Variants in EDNRB observed in about 807,000 individuals in gnomAD.
EDNRB encodes the protein Hirschsprung disease 2.
Under a neutral mutation model 46.4 loss-of-function variants are expected in EDNRB, and 18 were observed. That is an observed-to-expected ratio of 0.39 (90% CI 0.27 to 0.57). The LOEUF (loss-of-function observed/expected upper bound fraction) is 0.57. Among genes scored for constraint, EDNRB ranks in the 20% least tolerant of loss-of-function variants. The probability of loss-of-function intolerance (pLI) is 0.61; values close to 1 mark genes in which losing one functional copy is unlikely to be tolerated. For missense variants in EDNRB, 434 were observed against 537.5 expected (o/e 0.81, Z 1.90); for synonymous variants, 213 against 204.9 (o/e 1.04, Z -0.34).
upstream of EDNRB, among the ~76,000 whole-genome samples, chr13:77,922,188 A>G (rs900373223): frequency 1.3e-5 from 2 of 151,942 alleles, no homozygotes; most frequent in African/African-American, 4.8e-5. Flanking sequence ...AACGTTTATG[A>G]AGTGTCTAGG....
At chr13:77,935,608 G>A (rs962591571) in intron 1 of EDNRB, among the ~76,000 whole-genome samples, 11 of 152,220 alleles carry the variant, frequency 7.2e-5, no homozygotes, top group African/African-American at 2.4e-4. Context: ...GAGCATGTGT[G>A]TGTTTATGAG....
chr13:77,913,197 G>A (rs149980184), intron 1 of EDNRB, among the ~76,000 whole-genome samples: 108 of 152,244 alleles, frequency 7.1e-4, no homozygotes, highest in African/African-American at 2.4e-3. Context: ...CACTTCACTC[G>A]AAACTCATTT....
At chr13:77,970,611 T>A (rs1312732140) in intron 1 of EDNRB, among the ~76,000 whole-genome samples, 1 of 152,114 alleles carries the variant, frequency 6.6e-6, no homozygotes, top group Admixed American at 6.6e-5. Context: ...TTATTTTGGC[T>A]AACACTTTAC....
At chr13:77,915,937 C>T (rs1400936185) in intron 1 of EDNRB, among the ~76,000 whole-genome samples, 1 of 152,172 alleles carries the variant, frequency 6.6e-6, no homozygotes, top group African/African-American at 2.4e-5. Flanking sequence ...GAAAGGGAAA[C>T]TGTATGACCT....
upstream of EDNRB, chr13:77,919,497 G>A: frequency 6.2e-7 from 1 of 1,612,796 alleles, no homozygotes; most frequent in Non-Finnish European, 8.5e-7. Context: ...AGAGGAGCAC[G>A]CCTCCCTTGA....
intron 1 of EDNRB, among the ~76,000 whole-genome samples, chr13:77,913,845 T>C (rs1242907377): frequency 6.6e-6 from 1 of 152,178 alleles, no homozygotes; most frequent in Admixed American, 6.6e-5. Flanking sequence ...CACCAGGCTC[T>C]CATGTGAACA....
At chr13:77,971,629 T>C (rs770101946) in intron 1 of EDNRB, among the ~76,000 whole-genome samples, 4 of 151,900 alleles carry the variant, frequency 2.6e-5, no homozygotes, top group Non-Finnish European at 5.9e-5. Flanking sequence ...CTGCTGTTGA[T>C]TGTAATAGGT....
At position 77,901,095 on chromosome 13, in the gene EDNRB, C is replaced by G; in HGVS notation, c.914G>C (p.Ser305Thr). 6.2e-7 allele frequency: 1 copy of G among 1,611,288 alleles called. No homozygotes were observed. Among genetic ancestry groups the G allele is most frequent in the Non-Finnish European group, 8.5e-7 (1 of 1,178,410 alleles). ...ATCATTTAAAGCAATCTGCATGCCACTTTTCTTTCTCAACATTTCACAGGT... is the reference window on the plus strand; with the variant it reads ...ATCATTTAAAGCAATCTGCATGCCAGTTTTCTTTCTCAACATTTCACAGGT... The part of the protein sequence containing the change: ...LMTCEMLRKK[S>T]GMQIALNDHL... The change falls in exon 4 of 7, where the codon AGT becomes ACT. Residue 305 changes from serine to threonine, a missense_variant. Physicochemically the swap from Ser to Thr is moderately conservative, Grantham distance 58. Coordinates refer to ENST00000646607, the MANE Select transcript of EDNRB (RefSeq NM_001122659.3).
At chr13:77,945,901 A>AC (rs1880894500) in intron 1 of EDNRB, among the ~76,000 whole-genome samples, 11 of 150,710 alleles carry the variant, frequency 7.3e-5, no homozygotes, top group East Asian at 1.9e-4. Flanking sequence ...AAACAAAAAA[A>AC]ACACACAATC....
At position 77,970,862 on chromosome 13, in the gene EDNRB, A is replaced by C. The variant is rs577132465; in HGVS notation, c.-52+4485T>G. The stretch of plus-strand genomic sequence containing the variant: ...CCTACCTCAGTGACTTGATGTATAC[A>C]CTGGGAACAGCCCTCAGTCTGAGGA... On this transcript the variant is annotated intron_variant, in intron 1 of 7. Coordinates refer to the EDNRB transcript ENST00000646948. Among the ~76,000 whole-genome samples the C allele has an allele frequency of 2.4e-4, 37 of 152,270 alleles. 1 individual carries two copies. Among genetic ancestry groups the C allele is most frequent in the African/African-American group, 8.7e-4 (36 of 41,550 alleles).
At chr13:77,958,586 G>A (rs968530439) in intron 1 of EDNRB, among the ~76,000 whole-genome samples, 3 of 152,080 alleles carry the variant, frequency 2.0e-5, no homozygotes, top group African/African-American at 4.8e-5. Context: ...ATGTTAGCCA[G>A]GATGGTCTCG....
At chr13:77,946,529 T>C (rs1167351132) in intron 1 of EDNRB, among the ~76,000 whole-genome samples, 2 of 152,188 alleles carry the variant, frequency 1.3e-5, no homozygotes, top group Non-Finnish European at 2.9e-5. Flanking sequence ...CTCTGATTTG[T>C]GGCTGAGCTC....
At chr13:77,974,615 CCT>C (rs3039630) in intron 1 of EDNRB, among the ~76,000 whole-genome samples, 93,257 of 135,736 alleles carry the variant, frequency 0.69, 29,415 homozygotes, top group Middle Eastern at 0.8. Flanking sequence ...CTCCTCTCTG[CCT>C]CTCTCTCTCT....
intron 1 of EDNRB, among the ~76,000 whole-genome samples, chr13:77,952,996 A>G (rs1205348320): frequency 6.6e-6 from 1 of 152,218 alleles, no homozygotes; most frequent in Non-Finnish European, 1.5e-5. Context: ...AGTCTACAGT[A>G]ACCAAATGCA....
intron 1 of EDNRB, among the ~76,000 whole-genome samples, chr13:77,958,574 C>T (rs1401159109): frequency 6.6e-6 from 1 of 152,090 alleles, no homozygotes; most frequent in Admixed American, 6.5e-5. Flanking sequence ...TGGGGTTTCA[C>T]CATGTTAGCC....
intron 1 of EDNRB, among the ~76,000 whole-genome samples, chr13:77,968,598 T>G (rs951604046): frequency 6.6e-6 from 1 of 152,048 alleles, no homozygotes; most frequent in Admixed American, 6.6e-5. Context: ...TAAATAAACA[T>G]GAAAATAAAA....
chr13:77,930,257 A>G (rs1242459979), intron 1 of EDNRB, among the ~76,000 whole-genome samples: 1 of 152,228 alleles, frequency 6.6e-6, no homozygotes, highest in African/African-American at 2.4e-5. Flanking sequence ...GAAAACTGAA[A>G]GCAGTAAAAA....
intron 1 of EDNRB, among the ~76,000 whole-genome samples, chr13:77,940,709 G>A (rs1369273464): frequency 1.2e-4 from 3 of 25,700 alleles, no homozygotes; most frequent in Admixed American, 3.9e-4. Context: ...GGGTGTGTGT[G>A]TGTGTGTGTG....
At chr13:77,905,648 A>G (rs1470724982) in intron 1 of EDNRB, among the ~76,000 whole-genome samples, 1 of 151,968 alleles carries the variant, frequency 6.6e-6, no homozygotes, top group Non-Finnish European at 1.5e-5. Flanking sequence ...GTGGGATTTG[A>G]GGTGTTTTCT....
Sources: gnomAD v4.1 joint callset for allele counts (sites outside exome capture counted in the v4.1 genomes callset) on GRCh38, gnomAD v4.1.1 for gene constraint, MANE v1.5 for transcripts, NCBI Gene and HGNC (gene_info 2026-07-23, HGNC 2026-07-21) for gene names.